The following TNFSF11 variants were observed in gnomAD, a reference collection of about 807,000 sequenced individuals.
TNFSF11 encodes tumor necrosis factor ligand superfamily member 11.
Under a neutral mutation model 32.2 loss-of-function variants are expected in TNFSF11, and 12 were observed. The observed-to-expected ratio is 0.37, with a 90% confidence interval of 0.24 to 0.60. The LOEUF (loss-of-function observed/expected upper bound fraction) is 0.60, where lower values mean the gene tolerates loss of function less well. Ranked by LOEUF, TNFSF11 falls within the 20% of genes least tolerant of loss-of-function variation. TNFSF11 has a pLI of 0.66. For missense variants in TNFSF11, 345 were observed against 398.0 expected (o/e 0.87, Z 1.13); for synonymous variants, 172 against 152.1 (o/e 1.13, Z -0.96).
intron 2 of TNFSF11, among the ~76,000 whole-genome samples, chr13:42,594,708 T>C (rs1225932584): frequency 6.6e-6 from 1 of 152,194 alleles, no homozygotes; most frequent in African/African-American, 2.4e-5. Context: ...GTTTGGCAAA[T>C]ATCCTAAAAC....
In TNFSF11 at chr13:42,574,391, C is replaced by T; in HGVS notation, c.88C>T (p.Leu30=). The change falls in exon 1 of 5, where the codon CTG becomes TTG. Residue 30 remains leucine, a synonymous_variant. Transcript: ENST00000398795. ...GGPGAPHEGP[L]HAPPPPAPHQ... ...CCCCGGAGCCCCGCACGAGGGCCCCCTGCACGCCCCGCCGCCGCCTGCGCC... is the reference window on the plus strand; with the variant it reads ...CCCCGGAGCCCCGCACGAGGGCCCCTTGCACGCCCCGCCGCCGCCTGCGCC... The T allele has an allele frequency of 6.4e-7, 1 of 1,550,970 alleles. No homozygotes were observed.
At chr13:42,605,494 C>T (rs114405202) in intron 4 of TNFSF11, among the ~76,000 whole-genome samples, 117 of 152,284 alleles carry the variant, frequency 7.7e-4, no homozygotes, top group African/African-American at 2.3e-3. Context: ...GGGTTTATCA[C>T]AGAGGTATTG....
chr13:42,569,085 G>A (rs1018236254), intron 2 of TNFSF11, among the ~76,000 whole-genome samples: 24 of 152,092 alleles, frequency 1.6e-4, no homozygotes, highest in Non-Finnish European at 2.8e-4. Context: ...GTAGGTTAAC[G>A]CCCTCCGCCA....
In TNFSF11 at chr13:42,574,522, G is replaced by A. The variant is rs2137852954; in HGVS notation, c.219G>A (p.Gln73=). ...SVALFFYFRA[Q]MDPNRISEDG... is the part of the protein sequence containing the mutation. ...CCCTGTTCTTCTATTTCAGAGCGCA[G>A]GTGAGTGGCCACCTTCCCAGGGGAT... The change falls in exon 1 of 5, where the codon CAG becomes CAA. Residue 73 remains glutamine, a splice_region_variant and synonymous_variant. Transcript: ENST00000398795. The A allele has an allele frequency of 6.2e-7, 1 of 1,607,090 alleles. No homozygotes were observed. The highest frequency in any genetic ancestry group is 1.1e-5 in the South Asian group (1 of 90,618).
At chr13:42,565,268 G>T (rs1872831243) in intron 1 of TNFSF11, among the ~76,000 whole-genome samples, 1 of 150,284 alleles carries the variant, frequency 6.7e-6, no homozygotes. Flanking sequence ...TTGTCTAGTT[G>T]TTATGGTTAT....
intron 2 of TNFSF11, among the ~76,000 whole-genome samples, chr13:42,599,693 T>C (rs974474802): frequency 2.0e-5 from 3 of 152,046 alleles, no homozygotes; most frequent in Admixed American, 6.6e-5. Flanking sequence ...CCTCAGCCTC[T>C]TGAGTAGCTG....
At chr13:42,599,056 G>A (rs1314307575) in intron 2 of TNFSF11, among the ~76,000 whole-genome samples, 1 of 152,162 alleles carries the variant, frequency 6.6e-6, no homozygotes, top group Non-Finnish European at 1.5e-5. Context: ...GTGCAGTGTA[G>A]TGCCCTGGGT....
intron 1 of TNFSF11, among the ~76,000 whole-genome samples, chr13:42,575,082 G>A (rs945979444): frequency 1.3e-5 from 2 of 152,170 alleles, no homozygotes; most frequent in African/African-American, 2.4e-5. Flanking sequence ...CCCAATGGGT[G>A]GGCAGAATGA....
Position 42,565,053 on chromosome 13 carries a change from C to T in TNFSF11, c.-301-1568C>T, listed in dbSNP as rs541327355. Among the ~76,000 whole-genome samples, 16 of 152,246 alleles carry T rather than the reference C, an allele frequency of 1.1e-4. No individual in the cohort carries two copies. In the South Asian group the frequency reaches 2.7e-3, roughly 26 times the overall value. On this transcript the variant is annotated intron_variant, in intron 1 of 6. Coordinates refer to the TNFSF11 transcript ENST00000358545. ...ATCAGCTCCAGTAAAATATCTCTGC[C>T]TACAGCAAACTCAACACTACACCTA... is the stretch of plus-strand genomic sequence containing the variant.
chr13:42,579,704 C>CTTTTTTTTTTTTTTTTTTTTTT (rs59375842), intron 1 of TNFSF11, among the ~76,000 whole-genome samples: 2 of 65,492 alleles, frequency 3.1e-5, no homozygotes, highest in African/African-American at 6.1e-5. Context: ...TAAGTAAGCC[C>CTTTTTTTTTTTTTTTTTTTTTT]TTTTTTTTTT....
chr13:42,590,648 A>G (rs1048363744), intron 2 of TNFSF11, among the ~76,000 whole-genome samples: 26 of 152,254 alleles, frequency 1.7e-4, no homozygotes, highest in African/African-American at 6.0e-4. Flanking sequence ...TTAGCCCAAG[A>G]TGCCACACTG....
intron 2 of TNFSF11, among the ~76,000 whole-genome samples, chr13:42,598,654 T>A (rs1868954350): frequency 6.6e-6 from 1 of 152,086 alleles, no homozygotes; most frequent in Non-Finnish European, 1.5e-5. Context: ...AGCAGTAGCA[T>A]TTGAAGGATA....
chr13:42,574,206 A>T lies in TNFSF11; in HGVS notation c.-98A>T, dbSNP rs200798664. On this transcript the variant is annotated 5_prime_UTR_variant, in exon 1 of 5. Coordinates refer to ENST00000398795, the MANE Select transcript of TNFSF11 (RefSeq NM_003701.4). ...AAGCCGGGCTCCAAGTCGGCGCCCC[A>T]CGTCGAGGCTCCGCCGCAGCCTCCG... 5 of 1,481,634 alleles carry T rather than the reference A, an allele frequency of 3.4e-6. No homozygotes were observed. The highest frequency in any genetic ancestry group is 4.6e-6 in the Non-Finnish European group (5 of 1,092,112). The allele number at this position is 1,481,634 out of a possible 1,614,324, so 91.8% of individuals were successfully genotyped here. A position where few individuals can be genotyped will look rare whatever the true frequency, so the allele number is the denominator to read the frequency against.
intron 1 of TNFSF11, among the ~76,000 whole-genome samples, chr13:42,575,027 G>T (rs368497632): frequency 6.6e-6 from 1 of 152,238 alleles, no homozygotes; most frequent in South Asian, 2.1e-4. Context: ...CACGGTGCTG[G>T]AGGGCTGCGC....
At chr13:42,563,556 G>C (rs116933833) in intron 1 of TNFSF11, among the ~76,000 whole-genome samples, 2,778 of 152,044 alleles carry the variant, frequency 0.018, 32 homozygotes, top group Non-Finnish European at 0.028. Flanking sequence ...CCAGCTACTC[G>C]GGGGACTGAA....
intron 2 of TNFSF11, among the ~76,000 whole-genome samples, chr13:42,567,372 A>G (rs972474577): frequency 6.6e-6 from 1 of 152,224 alleles, no homozygotes; most frequent in Non-Finnish European, 1.5e-5. Flanking sequence ...AAATTACTCT[A>G]AATATTTCTA....
chr13:42,577,932 A>G (rs920312989), intron 1 of TNFSF11, among the ~76,000 whole-genome samples: 1 of 152,220 alleles, frequency 6.6e-6, no homozygotes, highest in African/African-American at 2.4e-5. Flanking sequence ...GATTTACTTA[A>G]TGTTTTCAGA....
chr13:42,592,754 G>A (rs1868566151), intron 2 of TNFSF11, among the ~76,000 whole-genome samples: 1 of 152,156 alleles, frequency 6.6e-6, no homozygotes, highest in African/African-American at 2.4e-5. Flanking sequence ...GTGGGACCAG[G>A]TAGAGGTAAT....
intron 2 of TNFSF11, among the ~76,000 whole-genome samples, chr13:42,583,361 G>C (rs1374481379): frequency 1.4e-5 from 2 of 143,724 alleles, no homozygotes; most frequent in African/African-American, 5.2e-5. Context: ...GCAGTGAGCT[G>C]CGGTTGCACC....
Sources: gnomAD v4.1 joint callset for allele counts (sites outside exome capture counted in the v4.1 genomes callset) on GRCh38, gnomAD v4.1.1 for gene constraint, MANE v1.5 for transcripts, NCBI Gene and HGNC (gene_info 2026-07-23, HGNC 2026-07-21) for gene names.